Variants in SPG11 observed in about 807,000 individuals in gnomAD.
SPG11 encodes spatacsin.
A neutral mutation model predicts 274.0 loss-of-function variants in SPG11; 222 were observed. That is an observed-to-expected ratio of 0.81 (90% CI 0.73 to 0.91). SPG11 has a LOEUF of 0.91. Ranked by LOEUF, SPG11 falls within the 40% of genes least tolerant of loss-of-function variation. The pLI is 0.00. For missense variants in SPG11, 3,114 were observed against 2,872.7 expected (o/e 1.08, Z -1.92); for synonymous variants, 1,144 against 1,039.7 (o/e 1.10, Z -1.93).
intron 30 of SPG11, among the ~76,000 whole-genome samples, chr15:44,581,866 T>G (rs2082664704): frequency 6.6e-6 from 1 of 152,108 alleles, no homozygotes; most frequent in South Asian, 2.1e-4. Context: ...AAGTTAAGGA[T>G]GTACACTGTC....
chr15:44,592,110 CAA>C (rs1198260134), intron 27 of SPG11, among the ~76,000 whole-genome samples: 56 of 91,778 alleles, frequency 6.1e-4, no homozygotes, highest in Non-Finnish European at 4.7e-4. Context: ...GACACTGTCT[CAA>C]AAAAAAAAAA....
intron 4 of SPG11, 125 bp from the exon 5 acceptor site, chr15:44,652,391 G>A (rs1295853823): frequency 3.0e-6 from 3 of 1,004,158 alleles, no homozygotes; most frequent in African/African-American, 3.2e-5. Flanking sequence ...TCCGCAGAAA[G>A]GAACTCCTTA....
rs373897153 is a variant in SPG11 at position 44,570,555 on chromosome 15, G to A, written c.6447C>T (p.His2149=). The A allele has an allele frequency of 6.2e-7, 1 of 1,614,174 alleles. No individual in the cohort carries two copies. Among genetic ancestry groups the A allele is most frequent in the South Asian group, 1.1e-5 (1 of 91,080 alleles). The change falls in exon 34 of 40, where the codon CAC becomes CAT. Residue 2149 remains histidine, a synonymous_variant. Transcript: ENST00000261866. ...LQAAHMLTDN[H]LAPSEEYGLV... ...GCCCATACTCCTCACTGGGGGCCAG[G>A]TGGTTATCTGTGAGCATGTGGGCGG...
Position 44,622,298 on chromosome 15 carries a change from GTTC to G in SPG11, c.2363_2365del (p.Arg788del), listed in dbSNP as rs1177223142. 1.3e-6 allele frequency: 2 copies of G among 1,577,450 alleles called. No individual in the cohort carries two copies. Among genetic ancestry groups the G allele is most frequent in the Non-Finnish European group, 1.7e-6 (2 of 1,153,060 alleles). On this transcript the variant is annotated inframe_deletion, in exon 13 of 40. Transcript: ENST00000261866. ...CTCAACTTGATGCACGAAGTCTATAGTTCTTTTCTCTTTTTCAGAAAAATAATT... is the reference window on the plus strand; with the variant it reads ...CTCAACTTGATGCACGAAGTCTATAGTTTTCTCTTTTTCAGAAAAATAATT...
At chr15:44,620,479 G>T in intron 14 of SPG11, 76 bp from the exon 15 acceptor site, 2 of 984,320 alleles carry the variant, frequency 2.0e-6, no homozygotes, top group Non-Finnish European at 3.1e-6. Context: ...AAATTACTGA[G>T]TAAATATAAC....
intron 20 of SPG11, among the ~76,000 whole-genome samples, chr15:44,602,360 C>T (rs2083214895): frequency 6.6e-6 from 1 of 152,102 alleles, no homozygotes; most frequent in African/African-American, 2.4e-5. Context: ...TCATACATGG[C>T]CTTTATAATG....
At chr15:44,640,071 G>A (rs182083571) in intron 7 of SPG11, among the ~76,000 whole-genome samples, 6 of 152,130 alleles carry the variant, frequency 3.9e-5, no homozygotes, top group African/African-American at 1.2e-4. Flanking sequence ...TTAGCCAGGC[G>A]TAGGGGCATG....
chr15:44,572,619 G>A (rs1212709249), intron 33 of SPG11, 64 bp downstream of exon 33: 1 of 1,576,714 alleles, frequency 6.3e-7, no homozygotes, highest in Non-Finnish European at 8.7e-7. Flanking sequence ...GTTTTGGAGA[G>A]ACTGGGAGAC....
At chr15:44,569,316 CTG>C in intron 35 of SPG11, 80 bp downstream of exon 35, 3 of 1,031,764 alleles carry the variant, frequency 2.9e-6, no homozygotes, top group South Asian at 1.4e-5. Context: ...TCTACCCTGA[CTG>C]AGATTATTCC....
In SPG11 at chr15:44,574,941, G is replaced by C. The variant is rs2082503261; in HGVS notation, c.5967C>G (p.Asn1989Lys). The stretch of plus-strand genomic sequence containing the variant: ...ACAGACAGAGGACCTGTCGACAGTA[G>C]TTCTTCCCATGGAGGCATTTGCTTG... The part of the protein sequence containing the change: ...VLTSKCLHGK[N>K]YCRQVLCLYD... The change falls in exon 31 of 40, where the codon AAC becomes AAG. Residue 1989 changes from asparagine (N) to lysine (K), a missense_variant. Transcript: ENST00000261866. The C allele has an allele frequency of 6.2e-7, 1 of 1,613,944 alleles. No individual in the cohort carries two copies. The highest frequency in any genetic ancestry group is 1.3e-5 in the African/African-American group (1 of 74,910).
chr15:44,594,688 T>C (rs2082989850), intron 26 of SPG11, among the ~76,000 whole-genome samples: 1 of 151,830 alleles, frequency 6.6e-6, no homozygotes, highest in Non-Finnish European at 1.5e-5. Context: ...ACCTGAGCCT[T>C]GGAGGTTGAG....
At chr15:44,613,800 C>A (rs2083523000) in intron 16 of SPG11, among the ~76,000 whole-genome samples, 1 of 152,150 alleles carries the variant, frequency 6.6e-6, no homozygotes, top group African/African-American at 2.4e-5. Context: ...TTAATAGATA[C>A]CTTGTACTTT....
In SPG11 at chr15:44,595,988, T is replaced by C. The variant is rs185951355; in HGVS notation, c.4434+95A>G. 7.2e-6 allele frequency: 11 copies of C among 1,517,940 alleles called. No homozygotes were observed. In the East Asian group the frequency reaches 2.5e-4, roughly 34 times the overall value. 94.0% of individuals were successfully genotyped at this position (1,517,940 alleles called of 1,614,324 possible). A position where few individuals can be genotyped will look rare whatever the true frequency, so the allele number is the denominator to read the frequency against. ...AACACATGCTGGAACCTCACTGTCA[T>C]CATCACCCCACTTCTGATTATCAGC... is the stretch of plus-strand genomic sequence containing the variant. On this transcript the variant is annotated intron_variant, in intron 25 of 39. Coordinates refer to ENST00000261866, the MANE Select transcript of SPG11 (RefSeq NM_025137.4).
At chr15:44,599,569 A>C (rs924785158) in intron 21 of SPG11, among the ~76,000 whole-genome samples, 5 of 152,196 alleles carry the variant, frequency 3.3e-5, no homozygotes, top group Admixed American at 1.3e-4. Context: ...AAATGCTGGG[A>C]TTACAGGTGT....
intron 2 of SPG11, 79 bp downstream of exon 2, chr15:44,660,353 A>G (rs997638156): frequency 1.5e-6 from 2 of 1,364,706 alleles, no homozygotes; most frequent in South Asian, 1.2e-5. Flanking sequence ...TTTCACCTCT[A>G]TGACTTTTCC....
chr15:44,638,227 C>T (rs746973447), intron 7 of SPG11, among the ~76,000 whole-genome samples: 1 of 152,092 alleles, frequency 6.6e-6, no homozygotes, highest in Non-Finnish European at 1.5e-5. Context: ...TTTGGGAGGT[C>T]GAGGCGGGTG....
intron 15 of SPG11, among the ~76,000 whole-genome samples, chr15:44,618,518 A>T (rs943930329): frequency 7.9e-6 from 1 of 126,568 alleles, no homozygotes; most frequent in Non-Finnish European, 1.7e-5. Flanking sequence ...CTCCATCTCA[A>T]AAAAAAAAAA....
intron 31 of SPG11, 23 bp from the exon 32 acceptor site, chr15:44,573,768 C>A: frequency 6.2e-7 from 1 of 1,613,532 alleles, no homozygotes; most frequent in South Asian, 1.1e-5. Context: ...CAAAGCCAGT[C>A]AAGGCCACTT....
intron 8 of SPG11, 150 bp from the exon 9 acceptor site, chr15:44,629,538 C>G: frequency 5.2e-6 from 4 of 776,444 alleles, no homozygotes; most frequent in Non-Finnish European, 8.3e-6. Flanking sequence ...TTTCTGCAGG[C>G]TTATTACCTG....
Sources: gnomAD v4.1 joint callset for allele counts (sites outside exome capture counted in the v4.1 genomes callset) on GRCh38, gnomAD v4.1.1 for gene constraint, MANE v1.5 for transcripts, NCBI Gene and HGNC (gene_info 2026-07-23, HGNC 2026-07-21) for gene names.